FLNB: variants seen among roughly 807,000 people sequenced by gnomAD.
FLNB encodes the protein filamin-B.
A neutral mutation model predicts 250.6 loss-of-function variants in FLNB; 111 were observed. The ratio of observed to expected loss-of-function variants is 0.44; its 90% CI spans 0.38 to 0.52. The LOEUF (loss-of-function observed/expected upper bound fraction) is 0.52. Among genes scored for constraint, FLNB ranks in the 20% least tolerant of loss-of-function variants. FLNB has a pLI of 0.00. For missense variants in FLNB, 2,869 were observed against 3,447.8 expected, an observed-to-expected ratio of 0.83 and a Z score of 4.20; for synonymous variants, 1,302 against 1,372.1, an observed-to-expected ratio of 0.95 and a Z score of 1.13.
intron 1 of FLNB, among the ~76,000 whole-genome samples, chr3:58,039,541 T>C (rs1342073498): frequency 6.6e-6 from 1 of 152,200 alleles, no homozygotes; most frequent in Admixed American, 6.5e-5. Flanking sequence ...TTTTCCCAGC[T>C]AGTGCATTTC....
intron 1 of FLNB, among the ~76,000 whole-genome samples, chr3:58,065,241 G>T (rs939084937): frequency 2.0e-5 from 3 of 152,186 alleles, no homozygotes; most frequent in Admixed American, 6.5e-5. Flanking sequence ...AAATTCAGAG[G>T]CCCTGCCCTG....
At chr3:58,043,892 A>G (rs940082834) in intron 1 of FLNB, among the ~76,000 whole-genome samples, 7 of 152,214 alleles carry the variant, frequency 4.6e-5, no homozygotes, top group African/African-American at 7.2e-5. Flanking sequence ...ACGGGTTCAC[A>G]GACTTAAGTG....
At chr3:58,011,115 A>G (rs1441034909) in intron 1 of FLNB, among the ~76,000 whole-genome samples, 4 of 152,094 alleles carry the variant, frequency 2.6e-5, no homozygotes, top group Admixed American at 2.0e-4. Flanking sequence ...GGGTTTCACC[A>G]TGTTGGCCAG....
chr3:58,028,609 TTC>T (rs1313731164), intron 1 of FLNB, among the ~76,000 whole-genome samples: 4,354 of 135,766 alleles, frequency 0.032, 216 homozygotes, highest in African/African-American at 0.13. Context: ...AAATTTTTTT[TTC>T]TTTTCTTTTT....
chr3:58,096,584 C>T (rs1324489756), intron 6 of FLNB, among the ~76,000 whole-genome samples: 1 of 152,166 alleles, frequency 6.6e-6, no homozygotes, highest in African/African-American at 2.4e-5. Context: ...TCTCAGCTCA[C>T]TGCAACCCCC....
chr3:58,106,885 G>T lies in FLNB; in HGVS notation c.1941+12G>T. On this transcript the variant is annotated intron_variant, in intron 12 of 45. Transcript: ENST00000295956. ...ACAACCCTGATCTGGTGAATCAGCT[G>T]CTGTGCTTCTGTCTTCTTGTCCCTG... 6.2e-7 allele frequency: 1 copy of T among 1,611,422 alleles called. No individual in the cohort carries two copies. Among genetic ancestry groups the T allele is most frequent in the Non-Finnish European group, 8.5e-7 (1 of 1,178,482 alleles).
intron 2 of FLNB, chr3:58,078,210 G>A: frequency 8.2e-7 from 1 of 1,226,626 alleles, no homozygotes; most frequent in African/African-American, 1.5e-5. Flanking sequence ...TCCATTTAAG[G>A]ACACATTTTA....
chr3:58,094,947 A>G lies in FLNB; in HGVS notation c.899A>G (p.Lys300Arg), dbSNP rs2097235570. 6.2e-7 allele frequency: 1 copy of G among 1,612,702 alleles called. No homozygotes were observed. The highest frequency in any genetic ancestry group is 8.5e-7 in the Non-Finnish European group (1 of 1,178,798). Residue 300 changes from lysine to arginine, a missense_variant, in exon 5 of 46, where the codon AAA becomes AGA. This residue lies in a region of FLNB where 308 missense variants were observed against 466.1 expected (regional missense o/e 0.66). Coordinates refer to ENST00000295956, the MANE Select transcript of FLNB (RefSeq NM_001457.4). ...TTTGTTGAGGACCCAGAAGGGAACA[A>G]AGAGGAGGTATGTTGGAGGATGCTG... The part of the protein sequence containing the change: ...MVFVEDPEGN[K>R]EEAQVTPDSD...
intron 1 of FLNB, 91 bp downstream of exon 1, chr3:58,008,947 G>T (rs1442526413): frequency 1.3e-6 from 2 of 1,503,798 alleles, no homozygotes. Flanking sequence ...TTCCCGCAGC[G>T]CGCCCCCACC....
Position 58,170,935 on chromosome 3 carries a change from A to G in FLNB, c.*173A>G, listed in dbSNP as rs1030930807. ...GTCCTAGACTGGACTCTTGAGGGACATATTGGAGAATCTTAAGAAATGCAA... is the reference window on the plus strand; with the variant it reads ...GTCCTAGACTGGACTCTTGAGGGACGTATTGGAGAATCTTAAGAAATGCAA... On this transcript the variant is annotated 3_prime_UTR_variant, in exon 46 of 46. Coordinates refer to ENST00000295956, the MANE Select transcript of FLNB (RefSeq NM_001457.4). 3.2e-6 allele frequency: 2 copies of G among 629,692 alleles called. No individual in the cohort carries two copies. The highest frequency in any genetic ancestry group is 2.7e-5 in the Admixed American group (1 of 37,202). The allele number at this position is 629,692 out of a possible 1,614,324, so 39.0% of individuals were successfully genotyped here. A position where few individuals can be genotyped will look rare whatever the true frequency, so the allele number is the denominator to read the frequency against.
intron 1 of FLNB, among the ~76,000 whole-genome samples, chr3:58,075,535 T>G (rs13073359): frequency 0.56 from 84,331 of 151,706 alleles, 25,562 homozygotes; most frequent in African/African-American, 0.82. Context: ...TTGGATGGGG[T>G]TTATGTAGGT....
At chr3:58,062,649 T>C (rs966892428) in intron 1 of FLNB, among the ~76,000 whole-genome samples, 1 of 151,810 alleles carries the variant, frequency 6.6e-6, no homozygotes, top group Non-Finnish European at 1.5e-5. Flanking sequence ...GTGGGAGGAG[T>C]TGGGGTGGCC....
chr3:58,123,443 G>T lies in FLNB; in HGVS notation c.3477G>T (p.Ser1159=). Residue 1159 remains serine, a synonymous_variant, in exon 21 of 46, where the codon TCG becomes TCT. Coordinates refer to ENST00000295956, the MANE Select transcript of FLNB (RefSeq NM_001457.4). ...CTGGCCTCCTTAGCGTCGACTGCTC[G>T]GAAGCGGGACCGGGGGCCCTGGGCC... is the stretch of plus-strand genomic sequence containing the variant. ...GEAGLLSVDC[S]EAGPGALGLE... The T allele has an allele frequency of 6.2e-7, 1 of 1,611,130 alleles. No individual in the cohort carries two copies. Among genetic ancestry groups the T allele is most frequent in the Non-Finnish European group, 8.5e-7 (1 of 1,177,786 alleles).
At chr3:58,030,140 C>T (rs1196677166) in intron 1 of FLNB, among the ~76,000 whole-genome samples, 1 of 152,162 alleles carries the variant, frequency 6.6e-6, no homozygotes, top group Non-Finnish European at 1.5e-5. Flanking sequence ...GGCACCAGGA[C>T]ACTCAGAAGA....
At chr3:58,009,454 GCTCT>G (rs1304333532) in intron 1 of FLNB, among the ~76,000 whole-genome samples, 1 of 152,156 alleles carries the variant, frequency 6.6e-6, no homozygotes, top group Non-Finnish European at 1.5e-5. Context: ...GTGTGTCCTC[GCTCT>G]CTCTGCTCCC....
intron 8 of FLNB, among the ~76,000 whole-genome samples, chr3:58,100,246 C>T (rs747136353): frequency 2.0e-5 from 3 of 151,854 alleles, no homozygotes; most frequent in East Asian, 1.9e-4. Flanking sequence ...TTTCCTCACT[C>T]GTGGACTTCC....
In FLNB at chr3:58,163,256, T is replaced by C. The variant is rs754640460; in HGVS notation, c.7124T>C (p.Val2375Ala). The C allele has an allele frequency of 1.1e-5, 18 of 1,614,218 alleles. No individual in the cohort carries two copies. Among genetic ancestry groups the C allele is most frequent in the East Asian group, 2.2e-5 (1 of 44,886 alleles). ...GTTGGAAGCCCCTTCAAAGTGCGCG[T>C]TGGGGAGCCTGGACAAGCGGGGAAC... ...HVVGSPFKVR[V>A]GEPGQAGNPA... is the part of the protein sequence containing the mutation. Residue 2375 changes from valine to alanine, a missense_variant, in exon 43 of 46, where the codon GTT (valine) becomes GCT (alanine). Val to Ala is a moderately conservative substitution (Grantham distance 64). Around this residue, in one of 5 missense-constraint regions of FLNB, gnomAD observed 1,084 missense variants for 1,315.5 expected, o/e 0.82. Coordinates refer to ENST00000295956, the MANE Select transcript of FLNB (RefSeq NM_001457.4).
intron 12 of FLNB, among the ~76,000 whole-genome samples, chr3:58,107,680 G>A (rs2097261862): frequency 6.6e-6 from 1 of 152,170 alleles, no homozygotes; most frequent in South Asian, 2.1e-4. Flanking sequence ...GTTTCCAAGA[G>A]TGTCCTCTCA....
intron 1 of FLNB, among the ~76,000 whole-genome samples, chr3:58,015,196 C>T (rs1224036511): frequency 6.6e-6 from 1 of 152,208 alleles, no homozygotes; most frequent in Non-Finnish European, 1.5e-5. Context: ...GCCTGCTTCC[C>T]TGTCTATAAA....
Sources: allele counts gnomAD v4.1 joint callset (sites outside exome capture counted in the v4.1 genomes callset), GRCh38; gene constraint gnomAD v4.1.1; regional missense constraint gnomAD v4.1.1; transcripts MANE v1.5; gene names NCBI Gene and HGNC (gene_info 2026-07-23, HGNC 2026-07-21).